The following ABHD17C variants were observed in gnomAD, a reference collection of about 807,000 sequenced individuals.
The protein encoded by ABHD17C is abhydrolase domain containing 17C, depalmitoylase, also known as alpha/beta hydrolase domain-containing protein 17C.
ABHD17C carries 11 observed loss-of-function variants against 27.9 expected under a neutral mutation model. The ratio of observed to expected loss-of-function variants is 0.39; its 90% confidence interval spans 0.25 to 0.65. The LOEUF (loss-of-function observed/expected upper bound fraction) is 0.65. ABHD17C is among the 30% of genes least tolerant of loss of function. The pLI is 0.45. For synonymous variants in ABHD17C, 233 were observed against 209.1 expected (o/e 1.11, Z -0.98); for missense variants, 280 against 470.2 (o/e 0.60, Z 3.74).
intron 1 of ABHD17C, among the ~76,000 whole-genome samples, chr15:80,730,885 G>A (rs1349660196): frequency 6.6e-6 from 1 of 152,196 alleles, no homozygotes; most frequent in African/African-American, 2.4e-5. Context: ...AATTATTAAT[G>A]TCATGGTGCT....
chr15:80,739,914 A>G (rs892124515), intron 1 of ABHD17C, among the ~76,000 whole-genome samples: 6 of 152,082 alleles, frequency 3.9e-5, no homozygotes, highest in Non-Finnish European at 8.8e-5. Flanking sequence ...TTTCTTTTTA[A>G]GCCTCTAGTG....
intron 1 of ABHD17C, among the ~76,000 whole-genome samples, chr15:80,714,650 A>G (rs867459348): frequency 3.3e-5 from 5 of 152,196 alleles, no homozygotes; most frequent in African/African-American, 9.7e-5. Flanking sequence ...TTTTGGCTTA[A>G]TATTTATTAT....
chr15:80,752,059 C>T (rs1895372529), intron 2 of ABHD17C, among the ~76,000 whole-genome samples: 3 of 152,194 alleles, frequency 2.0e-5, no homozygotes, highest in Admixed American at 1.3e-4. Flanking sequence ...TCTTTTACCT[C>T]CTTTACACTT....
At chr15:80,696,470 G>A (rs1212774891) in intron 1 of ABHD17C, among the ~76,000 whole-genome samples, 1 of 152,228 alleles carries the variant, frequency 6.6e-6, no homozygotes, top group Non-Finnish European at 1.5e-5. Flanking sequence ...GGGCGAGACA[G>A]GATGGCCTCT....
rs879805222 is a variant in ABHD17C at position 80,713,937 on chromosome 15, CACAT to C, written c.590+17920_590+17923del. 1.2e-3 allele frequency among the ~76,000 whole-genome samples: 177 copies of C among 143,712 alleles called. 1 individual carries two copies. The highest frequency in any genetic ancestry group is 4.4e-3 in the South Asian group (19 of 4,320). The allele number at this position is 143,712 out of a possible 152,430, so 94.3% of individuals were successfully genotyped here. A position where few individuals can be genotyped will look rare whatever the true frequency, so the allele number is the denominator to read the frequency against. Reference sequence around the variant, plus strand: ...ACACACACACACACACACACACACACACATATATTTATTTATTTATTATTTTTCT... The same window carrying C: ...ACACACACACACACACACACACACACATATTTATTTATTTATTATTTTTCT... On this transcript the variant is annotated intron_variant, in intron 1 of 2. Transcript: ENST00000258884.
At chr15:80,719,628 C>T (rs890363079) in intron 1 of ABHD17C, among the ~76,000 whole-genome samples, 1 of 152,220 alleles carries the variant, frequency 6.6e-6, no homozygotes, top group Non-Finnish European at 1.5e-5. Flanking sequence ...CATCTCTACA[C>T]ATGGTTTCAG....
intron 1 of ABHD17C, among the ~76,000 whole-genome samples, chr15:80,702,526 A>G (rs1894588126): frequency 6.6e-6 from 1 of 152,210 alleles, no homozygotes; most frequent in Admixed American, 6.5e-5. Flanking sequence ...TAAATCATAC[A>G]GTCCTGAGAT....
chr15:80,725,072 G>A (rs983585617), intron 1 of ABHD17C, among the ~76,000 whole-genome samples: 4 of 152,182 alleles, frequency 2.6e-5, no homozygotes, highest in Admixed American at 1.3e-4. Context: ...GAAGAGGCAC[G>A]AAGACACCAG....
chr15:80,698,124 G>A (rs1894519318), intron 1 of ABHD17C, among the ~76,000 whole-genome samples: 2 of 149,020 alleles, frequency 1.3e-5, no homozygotes, highest in Non-Finnish European at 3.0e-5. Context: ...GAGTGCAGTG[G>A]CGCCATCTTG....
chr15:80,712,107 A>G (rs1894735732), intron 1 of ABHD17C, among the ~76,000 whole-genome samples: 1 of 152,140 alleles, frequency 6.6e-6, no homozygotes, highest in Non-Finnish European at 1.5e-5. Flanking sequence ...CCTTTGTTCT[A>G]GCCCTTATCC....
chr15:80,742,816 G>A (rs1895228356), intron 1 of ABHD17C, among the ~76,000 whole-genome samples: 1 of 152,162 alleles, frequency 6.6e-6, no homozygotes, highest in Non-Finnish European at 1.5e-5. Flanking sequence ...AGTGACTCCG[G>A]GTCTCAGAGG....
At chr15:80,720,685 C>A (rs1894882697) in intron 1 of ABHD17C, among the ~76,000 whole-genome samples, 1 of 152,102 alleles carries the variant, frequency 6.6e-6, no homozygotes, top group South Asian at 2.1e-4. Flanking sequence ...CTTTGGGAGG[C>A]CTAGGCAGGC....
At chr15:80,749,293 T>C (rs1015541706) in intron 1 of ABHD17C, among the ~76,000 whole-genome samples, 2 of 152,202 alleles carry the variant, frequency 1.3e-5, no homozygotes, top group Non-Finnish European at 2.9e-5. Context: ...TTTGCAAATG[T>C]TGTGGAAGGC....
At chr15:80,748,293 A>C (rs1377689576) in intron 1 of ABHD17C, among the ~76,000 whole-genome samples, 1 of 152,212 alleles carries the variant, frequency 6.6e-6, no homozygotes, top group Non-Finnish European at 1.5e-5. Context: ...TGTAAGCTGC[A>C]ATACGTATTT....
At chr15:80,700,341 G>A (rs577522756) in intron 1 of ABHD17C, among the ~76,000 whole-genome samples, 12 of 152,266 alleles carry the variant, frequency 7.9e-5, no homozygotes, top group Admixed American at 7.8e-4. Context: ...ACAGGAGAGT[G>A]GGACTCTCCT....
chr15:80,701,118 T>C (rs1894565961), intron 1 of ABHD17C, among the ~76,000 whole-genome samples: 1 of 152,186 alleles, frequency 6.6e-6, no homozygotes, highest in African/African-American at 2.4e-5. Context: ...GGATCCATAA[T>C]TGGAAAATCC....
At chr15:80,712,154 C>T (rs993109826) in intron 1 of ABHD17C, among the ~76,000 whole-genome samples, 7 of 152,212 alleles carry the variant, frequency 4.6e-5, no homozygotes, top group African/African-American at 1.7e-4. Flanking sequence ...TACCTGGACT[C>T]CTCCGTTGGA....
chr15:80,737,649 G>A (rs1339948173), intron 1 of ABHD17C, among the ~76,000 whole-genome samples: 1 of 152,174 alleles, frequency 6.6e-6, no homozygotes, highest in Non-Finnish European at 1.5e-5. Flanking sequence ...AAGCATCTGA[G>A]TGGATGGCTC....
chr15:80,708,539 A>G (rs964879485), intron 1 of ABHD17C, among the ~76,000 whole-genome samples: 7 of 151,962 alleles, frequency 4.6e-5, no homozygotes, highest in Non-Finnish European at 8.8e-5. Flanking sequence ...CTGGTCTCGA[A>G]CTCCTAAGCT....
Sources: gnomAD v4.1 joint callset for allele counts (sites outside exome capture counted in the v4.1 genomes callset) on GRCh38, gnomAD v4.1.1 for gene constraint, MANE v1.5 for transcripts, NCBI Gene and HGNC (gene_info 2026-07-23, HGNC 2026-07-21) for gene names.